Variants in NKAIN2 observed in about 807,000 individuals in gnomAD.
NKAIN2 encodes sodium/potassium transporting ATPase interacting 2.
A neutral mutation model predicts 32.6 loss-of-function variants in NKAIN2; 14 were observed. That is an observed-to-expected ratio of 0.43 (90% confidence interval 0.28 to 0.67). The LOEUF is 0.67. Among genes scored for constraint, NKAIN2 ranks in the 30% least tolerant of loss-of-function variants. The pLI, the probability that NKAIN2 is intolerant of heterozygous loss-of-function variation, is 0.17. For synonymous variants in NKAIN2, 80 were observed against 87.2 expected (o/e 0.92, Z 0.46); for missense variants, 198 against 258.3 (o/e 0.77, Z 1.60).
chr6:124,262,667 G>A (rs1049546671), intron 1 of NKAIN2, among the ~76,000 whole-genome samples: 6 of 152,146 alleles, frequency 3.9e-5, no homozygotes, highest in African/African-American at 1.4e-4. Flanking sequence ...GTATAGATTA[G>A]TTGAAAAGAA....
chr6:124,544,470 T>C (rs1046039154), intron 3 of NKAIN2, among the ~76,000 whole-genome samples: 2 of 152,008 alleles, frequency 1.3e-5, no homozygotes, highest in Non-Finnish European at 2.9e-5. Context: ...AACAGCAATT[T>C]TGGATAAATG....
intron 3 of NKAIN2, among the ~76,000 whole-genome samples, chr6:124,500,033 T>A (rs1002975232): frequency 1.1e-4 from 17 of 152,248 alleles, no homozygotes; most frequent in Admixed American, 1.1e-3. Flanking sequence ...TTACTATGTT[T>A]CACTTTTTAA....
intron 1 of NKAIN2, among the ~76,000 whole-genome samples, chr6:124,011,290 C>T (rs1780311641): frequency 6.6e-6 from 1 of 152,100 alleles, no homozygotes; most frequent in African/African-American, 2.4e-5. Flanking sequence ...ACATGCCCAA[C>T]TGTAGTCATC....
intron 1 of NKAIN2, among the ~76,000 whole-genome samples, chr6:124,058,442 A>G (rs930356030): frequency 1.3e-5 from 2 of 152,094 alleles, no homozygotes; most frequent in African/African-American, 4.8e-5. Flanking sequence ...ATTAGTTCAG[A>G]GACATTGGAC....
chr6:123,839,533 T>C (rs1774778184), intron 1 of NKAIN2, among the ~76,000 whole-genome samples: 1 of 152,110 alleles, frequency 6.6e-6, no homozygotes, highest in Non-Finnish European at 1.5e-5. Context: ...TTAAAAAAAA[T>C]GTTCTTAGAG....
chr6:124,621,056 TCAC>T (rs1194482324), intron 3 of NKAIN2, among the ~76,000 whole-genome samples: 1 of 152,192 alleles, frequency 6.6e-6, no homozygotes, highest in East Asian at 1.9e-4. Flanking sequence ...CACATTGGAA[TCAC>T]CTGGGGACCT....
intron 1 of NKAIN2, among the ~76,000 whole-genome samples, chr6:124,154,427 T>G (rs1430260679): frequency 6.6e-6 from 1 of 151,912 alleles, no homozygotes; most frequent in Admixed American, 6.6e-5. Context: ...ATTTCAGATA[T>G]TCACATACTT....
intron 5 of NKAIN2, among the ~76,000 whole-genome samples, chr6:124,797,169 C>CAAAA (rs563319426): frequency 8.0e-5 from 7 of 87,110 alleles, no homozygotes; most frequent in East Asian, 7.1e-4. Context: ...TCCATGTTAG[C>CAAAA]AAAAAAAAAA....
chr6:124,346,524 T>G (rs184898588), intron 2 of NKAIN2, among the ~76,000 whole-genome samples: 60 of 152,334 alleles, frequency 3.9e-4, no homozygotes, highest in African/African-American at 1.3e-3. Flanking sequence ...GCTCCTGTAT[T>G]GGGTGCATAT....
intron 2 of NKAIN2, among the ~76,000 whole-genome samples, chr6:124,342,431 C>G (rs966650243): frequency 7.1e-6 from 1 of 140,428 alleles, no homozygotes; most frequent in Non-Finnish European, 1.5e-5. Flanking sequence ...AACAAAACAC[C>G]TTTATTATTA....
intron 1 of NKAIN2, among the ~76,000 whole-genome samples, chr6:123,833,717 G>GTGTA: frequency 6.7e-6 from 1 of 148,768 alleles, no homozygotes; most frequent in African/African-American, 2.5e-5. Flanking sequence ...GTGTGTGTGT[G>GTGTA]TGTGTGTGTT....
intron 1 of NKAIN2, among the ~76,000 whole-genome samples, chr6:123,926,509 C>G (rs901461924): frequency 2.0e-5 from 3 of 151,718 alleles, no homozygotes; most frequent in African/African-American, 7.3e-5. Flanking sequence ...TGCAGTGTTC[C>G]CCAGATGCCC....
chr6:124,582,098 A>G (rs1386331803), intron 3 of NKAIN2, among the ~76,000 whole-genome samples: 1 of 151,870 alleles, frequency 6.6e-6, no homozygotes, highest in Non-Finnish European at 1.5e-5. Context: ...TTTTGCGACG[A>G]TAAACAAAAT....
intron 3 of NKAIN2, among the ~76,000 whole-genome samples, chr6:124,495,410 T>C (rs1369137388): frequency 3.3e-5 from 5 of 151,374 alleles, no homozygotes; most frequent in African/African-American, 1.2e-4. Context: ...TGTTGTTATG[T>C]TTTCCCTTGA....
chr6:124,208,204 C>T (rs1019889890), intron 1 of NKAIN2, among the ~76,000 whole-genome samples: 2 of 151,538 alleles, frequency 1.3e-5, no homozygotes, highest in Admixed American at 6.6e-5. Context: ...ATCTCAGCCT[C>T]AATTTCTTGA....
At chr6:124,246,270 A>G (rs777153014) in intron 1 of NKAIN2, among the ~76,000 whole-genome samples, 4 of 151,736 alleles carry the variant, frequency 2.6e-5, no homozygotes, top group Admixed American at 1.3e-4. Flanking sequence ...TGTCTGATCA[A>G]CCTCATTCTT....
chr6:123,916,732 A>ATG (rs537844977), intron 1 of NKAIN2, among the ~76,000 whole-genome samples: 3,873 of 150,552 alleles, frequency 0.026, 123 homozygotes, highest in African/African-American at 0.081. Context: ...GTAGATATAT[A>ATG]TGTGTGTGTG....
chr6:124,502,620 T>C (rs1387981329), intron 3 of NKAIN2, among the ~76,000 whole-genome samples: 1 of 152,210 alleles, frequency 6.6e-6, no homozygotes, highest in Non-Finnish European at 1.5e-5. Context: ...TATCAGCTGG[T>C]ATATTTACGA....
At chr6:124,506,726 A>G (rs1778499240) in intron 3 of NKAIN2, among the ~76,000 whole-genome samples, 1 of 152,060 alleles carries the variant, frequency 6.6e-6, no homozygotes, top group African/African-American at 2.4e-5. Context: ...AAAAAAAAAG[A>G]GGGAGAAGGT....
Sources: allele counts gnomAD v4.1 joint callset (sites outside exome capture counted in the v4.1 genomes callset), GRCh38; gene constraint gnomAD v4.1.1; transcripts MANE v1.5; gene names NCBI Gene and HGNC (gene_info 2026-07-23, HGNC 2026-07-21).